Variants in NKAIN3 observed in about 807,000 individuals in gnomAD.
NKAIN3 encodes sodium/potassium-transporting ATPase subunit beta-1-interacting protein 3.
NKAIN3 carries 25 observed loss-of-function variants against 30.2 expected under a neutral mutation model. The ratio of observed to expected loss-of-function variants is 0.83; its 90% CI spans 0.60 to 1.16. The LOEUF (loss-of-function observed/expected upper bound fraction) is 1.16, where lower values mean the gene tolerates loss of function less well. Among genes scored for constraint, NKAIN3 ranks in the 50% most tolerant of loss-of-function variants. The pLI, the probability that NKAIN3 is intolerant of heterozygous loss-of-function variation, is 0.00. For missense variants in NKAIN3, 225 were observed against 254.1 expected (o/e 0.89, Z 0.78); for synonymous variants, 91 against 89.6 (o/e 1.02, Z -0.09).
At chr8:62,674,252 A>G (rs1349532321) in intron 3 of NKAIN3, among the ~76,000 whole-genome samples, 1 of 152,198 alleles carries the variant, frequency 6.6e-6, no homozygotes, top group Non-Finnish European at 1.5e-5. Flanking sequence ...GCCTTGGCTC[A>G]TGCTGTCTGT....
In NKAIN3 at chr8:62,969,505, C is replaced by T. The variant is rs568113840; in HGVS notation, c.*4098C>T. On this transcript the variant is annotated 3_prime_UTR_variant, in exon 7 of 7. Transcript: ENST00000623646. ...AACGAATTGTGTCCCCAAATATGGT[C>T]TATTCTGGCTAATCATTTTTTAAGC... is the stretch of plus-strand genomic sequence containing the variant. Among the ~76,000 whole-genome samples, 97 of 152,292 alleles carry T rather than the reference C, an allele frequency of 6.4e-4. No homozygotes were observed. The highest frequency in any genetic ancestry group is 1.0e-3 in the Non-Finnish European group (71 of 68,028).
intron 5 of NKAIN3, among the ~76,000 whole-genome samples, chr8:62,932,455 G>C (rs553496862): frequency 1.3e-5 from 2 of 152,326 alleles, no homozygotes; most frequent in African/African-American, 4.8e-5. Flanking sequence ...TGGCTGCTCA[G>C]AACATATAGT....
At chr8:62,748,870 G>A (rs923433560) in intron 4 of NKAIN3, among the ~76,000 whole-genome samples, 5 of 151,988 alleles carry the variant, frequency 3.3e-5, no homozygotes, top group African/African-American at 9.7e-5. Context: ...ACAGTCACTT[G>A]CCAATATATG....
intron 1 of NKAIN3, among the ~76,000 whole-genome samples, chr8:62,571,628 G>C (rs185253398): frequency 1.3e-5 from 2 of 152,050 alleles, no homozygotes; most frequent in Non-Finnish European, 2.9e-5. Flanking sequence ...TGAGGGCCCC[G>C]CCACTGCAGC....
chr8:62,723,305 A>C (rs932997776), intron 3 of NKAIN3, among the ~76,000 whole-genome samples: 50 of 152,320 alleles, frequency 3.3e-4, no homozygotes, highest in African/African-American at 1.1e-3. Flanking sequence ...TTTAACAAAA[A>C]ACACACACAC....
intron 1 of NKAIN3, among the ~76,000 whole-genome samples, chr8:62,546,650 G>A (rs1398991115): frequency 6.6e-6 from 1 of 152,170 alleles, no homozygotes; most frequent in Non-Finnish European, 1.5e-5. Context: ...ATTTGGAAAG[G>A]CCATGTCATG....
At chr8:62,836,391 A>G (rs1299061432) in intron 4 of NKAIN3, among the ~76,000 whole-genome samples, 1 of 152,114 alleles carries the variant, frequency 6.6e-6, no homozygotes, top group African/African-American at 2.4e-5. Flanking sequence ...GTTTTAGTAT[A>G]ACATACTAAA....
At chr8:62,662,909 C>G (rs1469745676) in intron 3 of NKAIN3, among the ~76,000 whole-genome samples, 1 of 152,124 alleles carries the variant, frequency 6.6e-6, no homozygotes, top group Non-Finnish European at 1.5e-5. Context: ...CCATTCAACT[C>G]CTATGAAGAT....
At chr8:62,453,422 A>G (rs557239824) in intron 1 of NKAIN3, among the ~76,000 whole-genome samples, 3 of 152,288 alleles carry the variant, frequency 2.0e-5, no homozygotes, top group Admixed American at 2.0e-4. Context: ...ATCCACATCA[A>G]AAAGTTAGAA....
chr8:62,285,062 T>G lies in NKAIN3; in HGVS notation c.54+35935T>G, dbSNP rs533708338. 2.0e-5 allele frequency among the ~76,000 whole-genome samples: 3 copies of G among 152,274 alleles called. No individual in the cohort carries two copies. The East Asian group carries it at 5.8e-4, about 29-fold the overall frequency. On this transcript the variant is annotated intron_variant, in intron 1 of 6. Coordinates refer to ENST00000623646, the MANE Select transcript of NKAIN3 (RefSeq NM_001304533.3). Reference sequence around the variant, plus strand: ...CAAATATATTGCTATTTTTAGAAACTAAAGGGGTACTATCCTGGGGCTCTT... The same window carrying G: ...CAAATATATTGCTATTTTTAGAAACGAAAGGGGTACTATCCTGGGGCTCTT...
chr8:62,666,667 C>A (rs1352045778), intron 3 of NKAIN3, among the ~76,000 whole-genome samples: 2 of 152,060 alleles, frequency 1.3e-5, no homozygotes, highest in Non-Finnish European at 2.9e-5. Context: ...CTGGTTCTGT[C>A]CTGGGTTATT....
chr8:62,746,815 T>C (rs1816086017), intron 3 of NKAIN3, 117 bp from the exon 4 acceptor site: 8 of 668,524 alleles, frequency 1.2e-5, no homozygotes, highest in East Asian at 2.7e-5. Flanking sequence ...TACTTTTCAC[T>C]TGAAATTGAA....
At chr8:62,478,946 G>C (rs1806610317) in intron 1 of NKAIN3, among the ~76,000 whole-genome samples, 1 of 152,136 alleles carries the variant, frequency 6.6e-6, no homozygotes, top group Admixed American at 6.5e-5. Context: ...GTAAGACACA[G>C]CACCCTGCCC....
Position 62,603,881 on chromosome 8 carries a change from CAG to C in NKAIN3, c.273+14089_273+14090del, listed in dbSNP as rs146229626. ...AAGAAATATGTGAAAAATGATTGGT[CAG>C]ATTAGTGTCAAAGCTGAGAGAGGTG... is the stretch of plus-strand genomic sequence containing the variant. On this transcript the variant is annotated intron_variant, in intron 3 of 6. Coordinates refer to ENST00000623646, the MANE Select transcript of NKAIN3 (RefSeq NM_001304533.3). Among the ~76,000 whole-genome samples, 205 of 152,160 alleles carry C rather than the reference CAG, an allele frequency of 1.3e-3. 6 individuals carry two copies. In the East Asian group the frequency reaches 0.035, roughly 26 times the overall value.
intron 1 of NKAIN3, among the ~76,000 whole-genome samples, chr8:62,304,527 T>C (rs1290955564): frequency 6.7e-6 from 1 of 149,672 alleles, no homozygotes; most frequent in Non-Finnish European, 1.5e-5. Flanking sequence ...TCAGGGTATT[T>C]AGCACATCTA....
intron 1 of NKAIN3, among the ~76,000 whole-genome samples, chr8:62,398,344 T>C (rs111548061): frequency 3.2e-4 from 49 of 152,336 alleles, no homozygotes; most frequent in South Asian, 8.3e-4. Flanking sequence ...TAGAATGAAG[T>C]GTCATCTTAG....
intron 4 of NKAIN3, among the ~76,000 whole-genome samples, chr8:62,865,320 C>CA (rs2130793421): frequency 6.6e-6 from 1 of 152,284 alleles, no homozygotes; most frequent in Admixed American, 6.5e-5. Flanking sequence ...CAAATTCTAC[C>CA]AATACTGCAT....
intron 5 of NKAIN3, among the ~76,000 whole-genome samples, chr8:62,921,299 C>T (rs9298069): frequency 0.77 from 117,277 of 152,144 alleles, 46,007 homozygotes; most frequent in East Asian, 0.98. Flanking sequence ...TCATTCATAA[C>T]TTTGATTCTA....
chr8:62,695,944 T>TGAAG lies in NKAIN3; in HGVS notation c.274-50984_274-50981dup, dbSNP rs966596024. ...GCACCTTAAAATGAATGGTCCCAAA[T>TGAAG]GAAGGAATTTTTTTAAAGAAACACA... On this transcript the variant is annotated intron_variant, in intron 3 of 6. Transcript: ENST00000623646. 1.1e-4 allele frequency among the ~76,000 whole-genome samples: 17 copies of TGAAG among 152,260 alleles called. No individual in the cohort carries two copies. The East Asian group carries it at 1.4e-3, about 12-fold the overall frequency.
Sources: gnomAD v4.1 joint callset for allele counts (sites outside exome capture counted in the v4.1 genomes callset) on GRCh38, gnomAD v4.1.1 for gene constraint, MANE v1.5 for transcripts, NCBI Gene and HGNC (gene_info 2026-07-23, HGNC 2026-07-21) for gene names.